CA10: variants seen among roughly 807,000 people sequenced by gnomAD.
The protein encoded by CA10 is carbonic anhydrase-related protein 10.
Under a neutral mutation model 44.2 loss-of-function variants are expected in CA10, and 14 were observed. The ratio of observed to expected loss-of-function variants is 0.32; its 90% CI spans 0.21 to 0.50. CA10 has a LOEUF of 0.50. Ranked by LOEUF, CA10 falls within the 20% of genes least tolerant of loss-of-function variation. The probability of loss-of-function intolerance (pLI) is 0.99; values close to 1 mark genes in which losing one functional copy is unlikely to be tolerated. For synonymous variants in CA10, 159 were observed against 141.6 expected (o/e 1.12, Z -0.87); for missense variants, 350 against 409.7 (o/e 0.85, Z 1.26).
At position 51,878,052 on chromosome 17, in the gene CA10, G is replaced by A. The variant is rs181284477; in HGVS notation, c.279+52938C>T. Among the ~76,000 whole-genome samples the A allele has an allele frequency of 4.1e-5, 6 of 146,770 alleles. No homozygotes were observed. In the East Asian group the frequency reaches 1.0e-3, roughly 25 times the overall value. The stretch of plus-strand genomic sequence containing the variant: ...CCAGCTACTCGGGAGGCTGAGGCAG[G>A]AGAATTGCTTGAACCCAGAAGGCGG... On this transcript the variant is annotated intron_variant, in intron 3 of 8. Coordinates refer to ENST00000451037, the MANE Select transcript of CA10 (RefSeq NM_020178.5).
chr17:51,637,665 T>C (rs971741729), intron 6 of CA10, among the ~76,000 whole-genome samples: 12 of 152,220 alleles, frequency 7.9e-5, no homozygotes, highest in African/African-American at 2.9e-4. Context: ...GAACCTCACA[T>C]TGACTCAATA....
At chr17:51,637,314 C>T (rs1308980870) in intron 6 of CA10, among the ~76,000 whole-genome samples, 2 of 152,316 alleles carry the variant, frequency 1.3e-5, no homozygotes, top group Admixed American at 6.5e-5. Flanking sequence ...CTTACTCTAT[C>T]CTCTCATCTG....
At chr17:51,693,620 G>T (rs961070846) in intron 4 of CA10, among the ~76,000 whole-genome samples, 1 of 152,050 alleles carries the variant, frequency 6.6e-6, no homozygotes, top group African/African-American at 2.4e-5. Context: ...ACATTAATTT[G>T]CTTAGGATAA....
At chr17:51,821,613 G>A (rs984231913) in intron 3 of CA10, among the ~76,000 whole-genome samples, 30 of 151,998 alleles carry the variant, frequency 2.0e-4, no homozygotes, top group Admixed American at 1.8e-3. Context: ...GGAAGAACTT[G>A]TAAAAACTGA....
chr17:51,656,507 T>C (rs575885119), intron 4 of CA10, among the ~76,000 whole-genome samples: 1 of 152,362 alleles, frequency 6.6e-6, no homozygotes, highest in East Asian at 1.9e-4. Flanking sequence ...TAGTTGTTGA[T>C]GGACTGTCTA....
intron 4 of CA10, among the ~76,000 whole-genome samples, chr17:51,692,591 G>T (rs1344618382): frequency 6.6e-6 from 1 of 152,090 alleles, no homozygotes; most frequent in Non-Finnish European, 1.5e-5. Flanking sequence ...CATAAATGCA[G>T]TGAAAGTGAA....
At chr17:51,900,137 C>T (rs1981248615) in intron 3 of CA10, among the ~76,000 whole-genome samples, 1 of 152,070 alleles carries the variant, frequency 6.6e-6, no homozygotes, top group Admixed American at 6.6e-5. Flanking sequence ...ATATTCTACA[C>T]ATTTGTGTGT....
At chr17:51,923,198 C>T (rs1982298206) in intron 3 of CA10, among the ~76,000 whole-genome samples, 1 of 152,108 alleles carries the variant, frequency 6.6e-6, no homozygotes, top group African/African-American at 2.4e-5. Flanking sequence ...CATCAGTTAT[C>T]CAATAAAAAC....
At chr17:51,885,355 G>A (rs1486155976) in intron 3 of CA10, among the ~76,000 whole-genome samples, 1 of 152,116 alleles carries the variant, frequency 6.6e-6, no homozygotes. Flanking sequence ...GGGCCTCACT[G>A]AAGTTTTCAC....
chr17:51,718,358 G>A (rs950918945), intron 4 of CA10, among the ~76,000 whole-genome samples: 7 of 152,232 alleles, frequency 4.6e-5, no homozygotes, highest in Admixed American at 1.3e-4. Context: ...GAGAGAGGCC[G>A]AAGGTTGAGC....
chr17:51,749,207 C>A (rs935324725), intron 3 of CA10, among the ~76,000 whole-genome samples: 1 of 152,246 alleles, frequency 6.6e-6, no homozygotes, highest in African/African-American at 2.4e-5. Context: ...TATAACTACA[C>A]TCCCAACAAT....
At chr17:51,767,800 C>T (rs542358359) in intron 3 of CA10, among the ~76,000 whole-genome samples, 8 of 150,562 alleles carry the variant, frequency 5.3e-5, no homozygotes, top group African/African-American at 2.0e-4. Flanking sequence ...TCATTAGATT[C>T]TCATAAGGTG....
At chr17:51,739,279 C>T (rs1225192780) in intron 4 of CA10, among the ~76,000 whole-genome samples, 1 of 152,020 alleles carries the variant, frequency 6.6e-6, no homozygotes, top group Non-Finnish European at 1.5e-5. Flanking sequence ...GGTACTCATG[C>T]CTGTAACTGC....
chr17:51,990,309 C>A (rs1351810437), intron 2 of CA10, among the ~76,000 whole-genome samples: 1 of 151,998 alleles, frequency 6.6e-6, no homozygotes, highest in Non-Finnish European at 1.5e-5. Context: ...TGTGTGGAAG[C>A]CATGGTCAGA....
intron 1 of CA10, among the ~76,000 whole-genome samples, chr17:52,092,010 C>T (rs1389442523): frequency 6.6e-6 from 1 of 152,184 alleles, no homozygotes; most frequent in African/African-American, 2.4e-5. Flanking sequence ...CTTCTACATA[C>T]CGATATATCT....
intron 3 of CA10, among the ~76,000 whole-genome samples, chr17:51,903,405 GC>G (rs1313912893): frequency 1.3e-5 from 2 of 152,102 alleles, no homozygotes; most frequent in African/African-American, 4.8e-5. Flanking sequence ...CTCCTTCACA[GC>G]CCTGCATATA....
At chr17:51,812,020 T>C (rs1180322025) in intron 3 of CA10, among the ~76,000 whole-genome samples, 2 of 152,170 alleles carry the variant, frequency 1.3e-5, no homozygotes, top group Non-Finnish European at 2.9e-5. Flanking sequence ...CACTATGCAT[T>C]GTCCCTCATA....
chr17:51,879,930 G>A (rs1413152444), intron 3 of CA10, among the ~76,000 whole-genome samples: 1 of 152,178 alleles, frequency 6.6e-6, no homozygotes, highest in Non-Finnish European at 1.5e-5. Context: ...GATATCTGGG[G>A]CCTAGGTGAC....
chr17:51,686,915 C>T (rs2095870615), intron 4 of CA10, among the ~76,000 whole-genome samples: 1 of 152,204 alleles, frequency 6.6e-6, no homozygotes, highest in Admixed American at 6.5e-5. Context: ...CATCCAACGT[C>T]ATTCTACCAT....
Sources: gnomAD v4.1 joint callset for allele counts (sites outside exome capture counted in the v4.1 genomes callset) on GRCh38, gnomAD v4.1.1 for gene constraint, MANE v1.5 for transcripts, NCBI Gene and HGNC (gene_info 2026-07-23, HGNC 2026-07-21) for gene names.